Variants in MYBBP1A observed in about 807,000 individuals in gnomAD.
MYBBP1A encodes MYB binding protein 1a.
MYBBP1A carries 147 observed loss-of-function variants against 136.3 expected under a neutral mutation model. That is an observed-to-expected ratio of 1.08 (90% confidence interval 0.94 to 1.24). The LOEUF is 1.24. Ranked by LOEUF, MYBBP1A falls within the 50% of genes most tolerant of loss-of-function variation. The pLI is 0.00. For synonymous variants in MYBBP1A, 947 were observed against 735.8 expected, an observed-to-expected ratio of 1.29 and a Z score of -4.65; for missense variants, 2,060 against 1,727.4, an observed-to-expected ratio of 1.19 and a Z score of -3.41.
In MYBBP1A at chr17:4,554,849, G is replaced by C. The variant is rs748875617; in HGVS notation, c.294+12C>G. The C allele has an allele frequency of 6.2e-7, 1 of 1,612,828 alleles. No homozygotes were observed. Among genetic ancestry groups the C allele is most frequent in the African/African-American group, 1.3e-5 (1 of 75,036 alleles). On this transcript the variant is annotated intron_variant, in intron 2 of 25. Coordinates refer to ENST00000254718, the MANE Select transcript of MYBBP1A (RefSeq NM_014520.4). ...CTGGATGGCTGGGACCCTGCCAGGA[G>C]CACCACCTCACCTGTGCCAGGGCCA...
chr17:4,546,747 CTG>C (rs1567609289), intron 13 of MYBBP1A, among the ~76,000 whole-genome samples: 1 of 152,188 alleles, frequency 6.6e-6, no homozygotes, highest in South Asian at 2.1e-4. Context: ...CTCTTGAAAA[CTG>C]TGTGATCTTT....
In MYBBP1A at chr17:4,544,810, G is replaced by C. The variant is rs536938551; in HGVS notation, c.2422C>G (p.Arg808Gly). 3 of 1,602,514 alleles carry C rather than the reference G, an allele frequency of 1.9e-6. No homozygotes were observed. In the South Asian group the frequency reaches 3.4e-5, roughly 18 times the overall value. Residue 808 changes from arginine to glycine, a missense_variant, in exon 18 of 26, where the codon CGA (arginine) becomes GGA (glycine). Arg to Gly is a moderately radical substitution (Grantham distance 125). Transcript: ENST00000254718. The stretch of plus-strand genomic sequence containing the variant: ...TTCTGCAGCTTGTTCTTCTCGTCTC[G>C]CCGGGCCTGGATACGCAGCTTCTGC... ...AEQKLRIQAR[R>G]DEKNKLQKEK...
chr17:4,550,155 C>A lies in MYBBP1A; in HGVS notation c.1222G>T (p.Ala408Ser). ...TGGAGAAACATGGCCCGCAGCCAGGCCACATAGCCCTGCAGGGCCGGAGGG... is the reference window on the plus strand; with the variant it reads ...TGGAGAAACATGGCCCGCAGCCAGGACACATAGCCCTGCAGGGCCGGAGGG... ...LSPPALQGYV[A>S]WLRAMFLQPD... Residue 408 changes from alanine (A) to serine (S), a missense_variant, in exon 9 of 26, where the codon GCC (alanine) becomes TCC (serine). Physicochemically the swap from Ala to Ser is moderately conservative, Grantham distance 99. Coordinates refer to ENST00000254718, the MANE Select transcript of MYBBP1A (RefSeq NM_014520.4). 6.2e-7 allele frequency: 1 copy of A among 1,613,990 alleles called. No individual in the cohort carries two copies. The highest frequency in any genetic ancestry group is 1.3e-5 in the African/African-American group (1 of 75,052).
intron 1 of MYBBP1A, 27 bp from the exon 2 acceptor site, chr17:4,554,983 T>TC (rs1427898828): frequency 6.2e-7 from 1 of 1,612,300 alleles, no homozygotes; most frequent in Non-Finnish European, 8.5e-7. Context: ...ACCCTCGTGT[T>TC]CAATGGTGAC....
chr17:4,555,012 G>A (rs1376776216), intron 1 of MYBBP1A, 56 bp from the exon 2 acceptor site: 11 of 1,600,954 alleles, frequency 6.9e-6, no homozygotes, highest in African/African-American at 4.0e-5. Flanking sequence ...GCACGCCCCC[G>A]CGCACCCTGG....
chr17:4,550,209 T>C lies in MYBBP1A; in HGVS notation c.1168A>G (p.Thr390Ala), dbSNP rs542547549. Residue 390 changes from threonine to alanine, a missense_variant, in exon 9 of 26, where the codon ACT (threonine) becomes GCT (alanine). Transcript: ENST00000254718. ...VTNQGLPVTP[T>A]FWRVVRFLSP... The stretch of plus-strand genomic sequence containing the variant: ...AGGAACCGCACGACCCGCCAGAAAG[T>C]AGGCGTGACAGGGAGGCCTTGGTTG... 5 of 1,613,834 alleles carry C rather than the reference T, an allele frequency of 3.1e-6. No homozygotes were observed. Among genetic ancestry groups the C allele is most frequent in the South Asian group, 2.2e-5 (2 of 91,086 alleles).
chr17:4,545,415 G>A, intron 15 of MYBBP1A, 70 bp from the exon 16 acceptor site: 1 of 1,584,158 alleles, frequency 6.3e-7, no homozygotes, highest in Non-Finnish European at 8.6e-7. Context: ...ACTCAGCCTT[G>A]ACCAAAGACC....
In MYBBP1A at chr17:4,545,849, T is replaced by C. The variant is rs770676945; in HGVS notation, c.1918A>G (p.Ile640Val). The C allele has an allele frequency of 3.7e-6, 6 of 1,613,108 alleles. No homozygotes were observed. Among genetic ancestry groups the C allele is most frequent in the Middle Eastern group, 1.6e-4 (1 of 6,062 alleles). Residue 640 changes from isoleucine to valine, a missense_variant, in exon 14 of 26, where the codon ATC (isoleucine) becomes GTC (valine). By Grantham distance (29) the Ile-to-Val change is conservative. Coordinates refer to ENST00000254718, the MANE Select transcript of MYBBP1A (RefSeq NM_014520.4). ...CCTCTCGTGACCAAGGACCCACCGA[T>C]GGTCTTGGTGCGGCTCCGGCGGGGC... ...EKPRRSRTKT[I>V]DPQEPPWVEV...
At chr17:4,547,862 C>A in intron 13 of MYBBP1A, 96 bp downstream of exon 13, 1 of 1,123,822 alleles carries the variant, frequency 8.9e-7, no homozygotes, top group Non-Finnish European at 1.2e-6. Flanking sequence ...AGAACCTTTC[C>A]TGGAAACCCG....
rs772552051 is a variant in MYBBP1A, at chr17:4,543,107, G to A, written c.2698C>T (p.Leu900=). Residue 900 remains leucine (L), a synonymous_variant, in exon 20 of 26, where the codon CTG becomes TTG. Coordinates refer to ENST00000254718, the MANE Select transcript of MYBBP1A (RefSeq NM_014520.4). ...CHDLGERAGA[L]HAQVERLVQQ... Reference sequence around the variant, plus strand: ...ACCAACCGCTCCACCTGGGCGTGCAGGGCCCCTGCGCGCTCACCCAAGTCG... The same window carrying A: ...ACCAACCGCTCCACCTGGGCGTGCAAGGCCCCTGCGCGCTCACCCAAGTCG... The A allele has an allele frequency of 3.1e-6, 5 of 1,612,578 alleles. No individual in the cohort carries two copies. In the African/African-American group the frequency reaches 6.7e-5, roughly 22 times the overall value.
Position 4,539,987 on chromosome 17 carries a change from G to C in MYBBP1A, c.3435-20C>G. On this transcript the variant is annotated intron_variant, in intron 25 of 25. Transcript: ENST00000254718. ...GGGCGCCTGAAGGGAAGTGAGCAAG[G>C]TTAGAAGGTGCCCATCGAGGGCAGC... 6.3e-7 allele frequency: 1 copy of C among 1,590,258 alleles called. No individual in the cohort carries two copies. Among genetic ancestry groups the C allele is most frequent in the Non-Finnish European group, 8.5e-7 (1 of 1,173,740 alleles).
At position 4,550,331 on chromosome 17, in the gene MYBBP1A, G is replaced by A. The variant is rs1238896397; in HGVS notation, c.1046C>T (p.Ala349Val). Residue 349 changes from alanine to valine, a missense_variant, in exon 9 of 26, where the codon GCC becomes GTC. By Grantham distance (64) the Ala-to-Val change is moderately conservative (BLOSUM62 0). Coordinates refer to ENST00000254718, the MANE Select transcript of MYBBP1A (RefSeq NM_014520.4). Reference protein sequence around the residue: ...TAKLPKQFKFAPEMDDYVGTF... With the variant: ...TAKLPKQFKFVPEMDDYVGTF... ...GCCCACGTAATCGTCCATCTCTGGGGCAAACTTGAACTGCTTTGGGAGCTG... is the reference window on the plus strand; with the variant it reads ...GCCCACGTAATCGTCCATCTCTGGGACAAACTTGAACTGCTTTGGGAGCTG... The A allele has an allele frequency of 6.2e-7, 1 of 1,612,604 alleles. No homozygotes were observed. The highest frequency in any genetic ancestry group is 2.2e-5 in the East Asian group (1 of 44,886).
In MYBBP1A at chr17:4,540,496, G is replaced by A. The variant is rs1316390381; in HGVS notation, c.3298-12C>T. On this transcript the variant is annotated splice_polypyrimidine_tract_variant and intron_variant, in intron 24 of 25. Coordinates refer to ENST00000254718, the MANE Select transcript of MYBBP1A (RefSeq NM_014520.4). ...TCCAAGGTCAGCTTCTGCAGAGGGT[G>A]GGAAGGCAGAGCTGTGGGGCCACAG... 2.5e-6 allele frequency: 4 copies of A among 1,601,996 alleles called. No homozygotes were observed. In the Admixed American group the frequency reaches 6.7e-5, roughly 27 times the overall value.
Position 4,548,181 on chromosome 17 carries a change from C to T in MYBBP1A, c.1686G>A (p.Val562=). 2 of 1,605,974 alleles carry T rather than the reference C, an allele frequency of 1.2e-6. No homozygotes were observed. Among genetic ancestry groups the T allele is most frequent in the Non-Finnish European group, 8.5e-7 (1 of 1,179,974 alleles). Residue 562 remains valine (V), a synonymous_variant, in exon 12 of 26, where the codon GTG becomes GTA. Transcript: ENST00000254718. This position sits in a 1 kb window ranked among gnomAD's most constrained non-coding sequence, Gnocchi z 4.2. ...LLNHSHNVTT[V]TPFTAQQRQA... ...GGCGCTGCTGCGCAGTGAAGGGTGT[C>T]ACGGTGGTCACGTTGTGGCTGTGAT... is the stretch of plus-strand genomic sequence containing the variant.
Position 4,550,089 on chromosome 17 carries a change from G to T in MYBBP1A, c.1288C>A (p.Gln430Lys). 1.2e-6 allele frequency: 2 copies of T among 1,613,660 alleles called. No individual in the cohort carries two copies. The highest frequency in any genetic ancestry group is 2.2e-5 in the South Asian group (2 of 91,068). ...AGCGATGAATCCTGGGCTTTCTTCTGGTTGTTGGTGCTGAAGTCAACCAAG... is the reference window on the plus strand; with the variant it reads ...AGCGATGAATCCTGGGCTTTCTTCTTGTTGTTGGTGCTGAAGTCAACCAAG... ...DSLVDFSTNN[Q>K]KKAQDSSLHM... The change falls in exon 9 of 26, where the codon CAG becomes AAG. Residue 430 changes from glutamine to lysine, a missense_variant. Physicochemically the swap from Gln to Lys is moderately conservative, Grantham distance 53 (BLOSUM62 1). Coordinates refer to ENST00000254718, the MANE Select transcript of MYBBP1A (RefSeq NM_014520.4).
Position 4,550,195 on chromosome 17 carries a change from G to C in MYBBP1A, c.1182C>G (p.Val394=). Residue 394 remains valine, a synonymous_variant, in exon 9 of 26, where the codon GTC becomes GTG. Transcript: ENST00000254718. ...GLPVTPTFWR[V]VRFLSPPALQ... ...GGGCCGGAGGGCTCAGGAACCGCAC[G>C]ACCCGCCAGAAAGTAGGCGTGACAG... The C allele has an allele frequency of 6.2e-7, 1 of 1,613,850 alleles. No homozygotes were observed. The highest frequency in any genetic ancestry group is 8.5e-7 in the Non-Finnish European group (1 of 1,180,046).
chr17:4,550,414 C>A, intron 8 of MYBBP1A, 61 bp from the exon 9 acceptor site: 1 of 1,544,816 alleles, frequency 6.5e-7, no homozygotes, highest in South Asian at 1.2e-5. Flanking sequence ...GTTAACAACC[C>A]AACAGCCAAG....
chr17:4,542,245 C>G (rs1483547891), intron 22 of MYBBP1A: 3 of 603,986 alleles, frequency 5.0e-6, no homozygotes, highest in Middle Eastern at 4.4e-4. Flanking sequence ...GTGAGGCTGG[C>G]CCTGCCCCCT....
rs201848075 is a variant in MYBBP1A at position 4,545,296 on chromosome 17, G to A, written c.2123C>T (p.Thr708Met). The change falls in exon 16 of 26, where the codon ACG becomes ATG. Residue 708 changes from threonine (T) to methionine (M), a missense_variant. By Grantham distance (81) the Thr-to-Met change is moderately conservative. Transcript: ENST00000254718. ...SEDENDRVVVTDDSDERRLKG... is the reference protein window; with the variant it reads ...SEDENDRVVVMDDSDERRLKG... ...CAGCCGCCGCTCATCAGAATCGTCC[G>A]TCACCACCACACGGTCATTCTCATC... 1,038 of 1,612,050 alleles carry A rather than the reference G, an allele frequency of 6.4e-4. 3 individuals are homozygous for A. Among genetic ancestry groups the A allele is most frequent in the South Asian group, 8.9e-4 (81 of 90,960 alleles).
Sources: gnomAD v4.1 joint callset for allele counts (sites outside exome capture counted in the v4.1 genomes callset) on GRCh38, gnomAD v4.1.1 for gene constraint, Gnocchi (gnomAD v3.1) non-coding constraint, MANE v1.5 for transcripts, NCBI Gene and HGNC (gene_info 2026-07-23, HGNC 2026-07-21) for gene names.